Variants in PTPRN2 observed in about 807,000 individuals in gnomAD.
The protein encoded by PTPRN2 is receptor-type tyrosine-protein phosphatase N2.
PTPRN2 carries 74 observed loss-of-function variants against 118.8 expected under a neutral mutation model. That is an observed-to-expected ratio of 0.62 (90% confidence interval 0.52 to 0.76). PTPRN2 has a LOEUF of 0.76. Among genes scored for constraint, PTPRN2 ranks in the 30% least tolerant of loss-of-function variants. The pLI is 0.00. For synonymous variants in PTPRN2, 641 were observed against 608.0 expected, an observed-to-expected ratio of 1.05 and a Z score of -0.80; for missense variants, 1,481 against 1,394.4, an observed-to-expected ratio of 1.06 and a Z score of -0.99.
chr7:158,275,681 G>A (rs1273130402), intron 3 of PTPRN2, among the ~76,000 whole-genome samples: 2 of 152,146 alleles, frequency 1.3e-5, no homozygotes, highest in African/African-American at 4.8e-5. Context: ...GGTGAGAATC[G>A]AGGTACTACG....
intron 2 of PTPRN2, among the ~76,000 whole-genome samples, chr7:158,394,092 C>G (rs1374933684): frequency 6.6e-6 from 1 of 150,458 alleles, no homozygotes; most frequent in Non-Finnish European, 1.5e-5. Context: ...GATGCCTGGA[C>G]CCTTCTCTCC....
chr7:158,096,112 C>A (rs1814608070), intron 10 of PTPRN2, among the ~76,000 whole-genome samples: 1 of 152,150 alleles, frequency 6.6e-6, no homozygotes, highest in South Asian at 2.1e-4. Context: ...TGAAATAGCG[C>A]AATTGTCCAG....
At chr7:157,663,507 C>T (rs1348699402) in intron 13 of PTPRN2, among the ~76,000 whole-genome samples, 1 of 152,246 alleles carries the variant, frequency 6.6e-6, no homozygotes, top group Non-Finnish European at 1.5e-5. Flanking sequence ...CAGCTCCCTC[C>T]AAGGACGGGG....
intron 2 of PTPRN2, among the ~76,000 whole-genome samples, chr7:158,405,647 A>C (rs2151419120): frequency 6.6e-6 from 1 of 152,384 alleles, no homozygotes; most frequent in South Asian, 2.1e-4. Flanking sequence ...TACTTTTCTG[A>C]ATCCAACCAA....
intron 11 of PTPRN2, among the ~76,000 whole-genome samples, chr7:157,991,578 G>A (rs372593230): frequency 2.6e-5 from 4 of 152,180 alleles, no homozygotes; most frequent in African/African-American, 9.6e-5. Context: ...GAGGGAGGGC[G>A]AGGGAGGGCG....
intron 2 of PTPRN2, among the ~76,000 whole-genome samples, chr7:158,431,799 C>G (rs919370543): frequency 6.6e-6 from 1 of 150,736 alleles, no homozygotes; most frequent in Non-Finnish European, 1.5e-5. Context: ...TGGCTCACAC[C>G]GGGCACACAC....
At chr7:157,556,202 C>A (rs2150479951) in intron 21 of PTPRN2, among the ~76,000 whole-genome samples, 1 of 152,280 alleles carries the variant, frequency 6.6e-6, no homozygotes, top group East Asian at 1.9e-4. Context: ...TACACGCATG[C>A]AGATACATGT....
At chr7:157,925,617 T>C (rs74457307) in intron 11 of PTPRN2, among the ~76,000 whole-genome samples, 6,496 of 152,144 alleles carry the variant, frequency 0.043, 190 homozygotes, top group Non-Finnish European at 0.068. Flanking sequence ...GGAAACCGCA[T>C]GGGGCCACAG....
chr7:158,188,621 CCT>C lies in PTPRN2; in HGVS notation c.549+3704_549+3705del, dbSNP rs752144992. Among the ~76,000 whole-genome samples the C allele has an allele frequency of 9.7e-4, 129 of 133,596 alleles. 1 individual carries two copies. Among genetic ancestry groups the C allele is most frequent in the Non-Finnish European group, 1.8e-3 (108 of 61,554 alleles). The allele number at this position is 133,596 out of a possible 152,430, so 87.6% of individuals were successfully genotyped here. On this transcript the variant is annotated intron_variant, in intron 5 of 22. Coordinates refer to ENST00000389418, the MANE Select transcript of PTPRN2 (RefSeq NM_002847.5). The stretch of plus-strand genomic sequence containing the variant: ...ATGGGGAAGCCCGCCACGCTCGCCC[CCT>C]GATGGGGAAGGCCGCCACGCTCGCC...
At position 157,903,084 on chromosome 7, in the gene PTPRN2, A is replaced by G. The variant is rs1396062264; in HGVS notation, c.1724-4347T>C. On this transcript the variant is annotated intron_variant, in intron 11 of 22. Transcript: ENST00000389418. The surrounding 1 kb of genome is among the most constrained non-coding windows in gnomAD (Gnocchi z 4.2). ...AAAGCAGAAAGCCACACGCTGCCAC[A>G]CACTCTCACACGGAAGCAGGAACCA... Among the ~76,000 whole-genome samples, 5 of 152,142 alleles carry G rather than the reference A, an allele frequency of 3.3e-5. No homozygotes were observed. The highest frequency in any genetic ancestry group is 7.3e-5 in the Non-Finnish European group (5 of 68,028).
intron 11 of PTPRN2, among the ~76,000 whole-genome samples, chr7:157,991,093 G>A (rs867215184): frequency 1.1e-4 from 16 of 152,146 alleles, no homozygotes; most frequent in Non-Finnish European, 2.2e-4. Context: ...TCCACTGCCA[G>A]GGCTGCTGGA....
Position 157,630,528 on chromosome 7 carries a change from C to T in PTPRN2, c.2197-9019G>A, listed in dbSNP as rs144069798. 3.9e-4 allele frequency among the ~76,000 whole-genome samples: 59 copies of T among 152,334 alleles called. No individual in the cohort carries two copies. In the East Asian group the frequency reaches 0.011, roughly 28 times the overall value. ...CACCGTGTGCCCGTCACGGCAGCAC[C>T]TTTGACTTGCCATGGAATTACGGGT... On this transcript the variant is annotated intron_variant, in intron 14 of 22. Coordinates refer to ENST00000389418, the MANE Select transcript of PTPRN2 (RefSeq NM_002847.5).
rs116234604 is a variant in PTPRN2, at chr7:157,808,961, C to T, written c.1788+89712G>A. The stretch of plus-strand genomic sequence containing the variant: ...GCTTTTATGTGGAATGTGGGCAGTT[C>T]TTAAAACTTTATTTTAATGCACACG... On this transcript the variant is annotated intron_variant, in intron 12 of 22. Transcript: ENST00000389418. This position sits in a 1 kb window ranked among gnomAD's most constrained non-coding sequence, Gnocchi z 5.0. Among the ~76,000 whole-genome samples the T allele has an allele frequency of 6.1e-3, 918 of 151,418 alleles. 5 individuals are homozygous for T. Among genetic ancestry groups the T allele is most frequent in the African/African-American group, 0.021 (859 of 41,242 alleles).
chr7:157,819,572 C>T (rs1303789320), intron 12 of PTPRN2, among the ~76,000 whole-genome samples: 1 of 147,998 alleles, frequency 6.8e-6, no homozygotes, highest in Non-Finnish European at 1.5e-5. Flanking sequence ...CAAGCACACA[C>T]CGAGTGGCCG....
At position 157,609,054 on chromosome 7, in the gene PTPRN2, C is replaced by G. The variant is rs1017527752; in HGVS notation, c.2345-4979G>C. On this transcript the variant is annotated intron_variant, in intron 15 of 22. Coordinates refer to ENST00000389418, the MANE Select transcript of PTPRN2 (RefSeq NM_002847.5). This position sits in a 1 kb window ranked among gnomAD's most constrained non-coding sequence, Gnocchi z 4.9. ...CACTGTGCACGTTCCTTTTCTGACC[C>G]TTTACTGTGTTTATCATGCGTTAGT... Among the ~76,000 whole-genome samples, 1 of 152,200 alleles carries G rather than the reference C, an allele frequency of 6.6e-6. No homozygotes were observed. The highest frequency in any genetic ancestry group is 1.5e-5 in the Non-Finnish European group (1 of 68,044).
chr7:158,484,357 TTTATTTAC>T (rs1820851575), intron 2 of PTPRN2, among the ~76,000 whole-genome samples: 1 of 152,076 alleles, frequency 6.6e-6, no homozygotes, highest in African/African-American at 2.4e-5. Context: ...TATTTACTTA[TTTATTTAC>T]TTATTTATTT....
chr7:158,274,386 G>GCAGGCACAGGGGGGGAGCCA (rs1798807998), intron 3 of PTPRN2, among the ~76,000 whole-genome samples: 1 of 91,022 alleles, frequency 1.1e-5, no homozygotes, highest in Non-Finnish European at 2.1e-5. Flanking sequence ...AGGGGGAGCC[G>GCAGGCACAGGGGGGGAGCCA]CAGGCACAGG....
intron 5 of PTPRN2, among the ~76,000 whole-genome samples, chr7:158,172,316 T>C (rs551081600): frequency 3.9e-5 from 6 of 152,298 alleles, no homozygotes; most frequent in Admixed American, 6.5e-5. Context: ...AGGGAGAGTA[T>C]AGGTAAAAGT....
At position 158,036,254 on chromosome 7, in the gene PTPRN2, A is replaced by G. The variant is rs548789345; in HGVS notation, c.1723+45044T>C. 4.6e-5 allele frequency among the ~76,000 whole-genome samples: 7 copies of G among 152,302 alleles called. No individual in the cohort carries two copies. In the South Asian group the frequency reaches 1.5e-3, roughly 32 times the overall value. The stretch of plus-strand genomic sequence containing the variant: ...AAATGAATCATTTTTAGGAAAAAAA[A>G]CAAAAACACAAAATGCCAGAATTGA... On this transcript the variant is annotated intron_variant, in intron 11 of 22. Coordinates refer to ENST00000389418, the MANE Select transcript of PTPRN2 (RefSeq NM_002847.5).
Sources: allele counts gnomAD v4.1 joint callset (sites outside exome capture counted in the v4.1 genomes callset), GRCh38; gene constraint gnomAD v4.1.1; non-coding constraint Gnocchi (gnomAD v3.1); transcripts MANE v1.5; gene names NCBI Gene and HGNC (gene_info 2026-07-23, HGNC 2026-07-21).